Variants in PDE1A observed in about 807,000 individuals in gnomAD.
The protein encoded by PDE1A is phosphodiesterase 1A, also known as dual specificity calcium/calmodulin-dependent 3',5'-cyclic nucleotide phosphodiesterase 1A.
Under a neutral mutation model 61.7 loss-of-function variants are expected in PDE1A, and 35 were observed. That is an observed-to-expected ratio of 0.57 (90% CI 0.43 to 0.75). PDE1A has a LOEUF of 0.75. PDE1A is among the 30% of genes least tolerant of loss of function. The pLI is 0.00. For missense variants in PDE1A, 597 were observed against 630.6 expected, an observed-to-expected ratio of 0.95 and a Z score of 0.57; for synonymous variants, 232 against 213.2, an observed-to-expected ratio of 1.09 and a Z score of -0.77.
At chr2:182,701,199 TA>T in the PDE1A span, among the ~76,000 whole-genome samples, 2 of 73,076 alleles carry the variant, frequency 2.7e-5, no homozygotes, top group East Asian at 5.8e-4. Context: ...CACGCCCGGC[TA>T]ATTTTTTTGT....
chr2:182,404,984 A>G (rs577508251), intron 1 of PDE1A, among the ~76,000 whole-genome samples: 4 of 152,388 alleles, frequency 2.6e-5, no homozygotes, highest in Non-Finnish European at 5.9e-5. Context: ...TGTACTGTAC[A>G]TAATTATATG....
chr2:182,446,796 A>G (rs1367203), intron 2 of PDE1A, among the ~76,000 whole-genome samples: 26,961 of 151,908 alleles, frequency 0.18, 2,814 homozygotes, highest in Middle Eastern at 0.36. Flanking sequence ...GCCTGCTTTG[A>G]TTAGAATCCC....
At chr2:182,199,467 A>G (rs910936840) in intron 10 of PDE1A, among the ~76,000 whole-genome samples, 2 of 151,978 alleles carry the variant, frequency 1.3e-5, no homozygotes, top group African/African-American at 4.8e-5. Flanking sequence ...TCCCCTAAGC[A>G]CTGCTTCAGT....
chr2:182,239,194 A>G (rs1690302542), intron 3 of PDE1A, among the ~76,000 whole-genome samples: 1 of 152,182 alleles, frequency 6.6e-6, no homozygotes. Flanking sequence ...TGTAATATTG[A>G]TTAACGGTAA....
At chr2:182,169,012 A>T (rs958687329) in intron 13 of PDE1A, among the ~76,000 whole-genome samples, 11 of 151,972 alleles carry the variant, frequency 7.2e-5, no homozygotes, top group Non-Finnish European at 1.3e-4. Context: ...ATGTGTGTGT[A>T]TATCTGACAA....
chr2:182,312,946 A>G, intron 1 of PDE1A, among the ~76,000 whole-genome samples: 1 of 151,842 alleles, frequency 6.6e-6, no homozygotes, highest in African/African-American at 2.4e-5. Context: ...ATATCTCTCT[A>G]TTTATTTGTG....
intron 1 of PDE1A, among the ~76,000 whole-genome samples, chr2:182,383,479 GA>G (rs1444380034): frequency 7.2e-5 from 11 of 152,138 alleles, no homozygotes; most frequent in African/African-American, 2.4e-4. Flanking sequence ...TTATAAATAT[GA>G]AAGAAAATTT....
the PDE1A span, among the ~76,000 whole-genome samples, chr2:182,556,077 G>A: frequency 6.6e-6 from 1 of 151,352 alleles, no homozygotes; most frequent in East Asian, 1.9e-4. Flanking sequence ...GAATTGAAGA[G>A]GGAAACAAAA....
chr2:182,308,820 T>A (rs1482989122), intron 1 of PDE1A, among the ~76,000 whole-genome samples: 1 of 152,100 alleles, frequency 6.6e-6, no homozygotes, highest in Non-Finnish European at 1.5e-5. Flanking sequence ...AAGTGCAGCG[T>A]GCAACCTATA....
the PDE1A span, among the ~76,000 whole-genome samples, chr2:182,599,520 G>A: frequency 1.3e-5 from 2 of 152,130 alleles, no homozygotes; most frequent in Non-Finnish European, 2.9e-5. Flanking sequence ...CCTCTCAATG[G>A]AGTGCCAGAG....
downstream of PDE1A, chr2:182,167,824 A>C: frequency 1.4e-6 from 1 of 705,946 alleles, no homozygotes; most frequent in Non-Finnish European, 1.7e-6. Flanking sequence ...TTAATGTAAA[A>C]GATAATTTTT....
the PDE1A span, among the ~76,000 whole-genome samples, chr2:182,641,950 GA>G: frequency 2.0e-5 from 3 of 152,124 alleles, no homozygotes; most frequent in African/African-American, 7.2e-5. Context: ...TACCTCCTAA[GA>G]TCATCTGAGG....
At chr2:182,399,690 G>A (rs1247585687) in intron 1 of PDE1A, among the ~76,000 whole-genome samples, 1 of 151,926 alleles carries the variant, frequency 6.6e-6, no homozygotes, top group Admixed American at 6.6e-5. Flanking sequence ...CTAGTATAGA[G>A]TTTACATCTC....
the PDE1A span, among the ~76,000 whole-genome samples, chr2:182,663,154 T>C: frequency 5.3e-5 from 8 of 152,198 alleles, no homozygotes; most frequent in Non-Finnish European, 1.2e-4. Context: ...CCAGTTAGAA[T>C]GGCTATTACT....
chr2:182,589,077 TAA>T, the PDE1A span, among the ~76,000 whole-genome samples: 3 of 146,624 alleles, frequency 2.0e-5, no homozygotes, highest in South Asian at 2.1e-4. Flanking sequence ...ATAATAATAA[TAA>T]TAATAATAAT....
intron 7 of PDE1A, among the ~76,000 whole-genome samples, chr2:182,219,886 T>A (rs1688574935): frequency 6.6e-6 from 1 of 152,076 alleles, no homozygotes; most frequent in African/African-American, 2.4e-5. Flanking sequence ...TATCTTATCA[T>A]GTTATATACC....
intron 2 of PDE1A, among the ~76,000 whole-genome samples, chr2:182,444,333 T>C (rs1269733166): frequency 6.6e-6 from 1 of 152,158 alleles, no homozygotes; most frequent in Non-Finnish European, 1.5e-5. Context: ...GAGATAGATG[T>C]CCCTTCTTTG....
the PDE1A span, among the ~76,000 whole-genome samples, chr2:182,697,867 C>T: frequency 2.5e-3 from 381 of 152,224 alleles, 3 homozygotes; most frequent in African/African-American, 8.8e-3. Flanking sequence ...ATGAGAAAAC[C>T]CTGTTGGGGA....
chr2:182,712,268 A>G, the PDE1A span, among the ~76,000 whole-genome samples: 2 of 152,262 alleles, frequency 1.3e-5, no homozygotes, highest in African/African-American at 4.8e-5. Flanking sequence ...ACTAAATTGA[A>G]ACAAGTAGTT....
Sources: allele counts gnomAD v4.1 joint callset (sites outside exome capture counted in the v4.1 genomes callset), GRCh38; gene constraint gnomAD v4.1.1; transcripts MANE v1.5; gene names NCBI Gene and HGNC (gene_info 2026-07-23, HGNC 2026-07-21).